Variants in MARK1 observed in about 807,000 individuals in gnomAD.
MARK1 encodes the protein serine/threonine-protein kinase MARK1.
Under a neutral mutation model 96.3 loss-of-function variants are expected in MARK1, and 40 were observed. That is an observed-to-expected ratio of 0.42 (90% CI 0.32 to 0.54). MARK1 has a LOEUF of 0.54. MARK1 is among the 20% of genes least tolerant of loss of function. The pLI is 0.16. For synonymous variants in MARK1, 317 were observed against 341.2 expected (o/e 0.93, Z 0.78); for missense variants, 719 against 984.6 (o/e 0.73, Z 3.61).
chr1:220,660,264 A>G (rs1184205658), intron 17 of MARK1, among the ~76,000 whole-genome samples: 1 of 152,194 alleles, frequency 6.6e-6, no homozygotes, highest in African/African-American at 2.4e-5. Flanking sequence ...CAGTGGGCAA[A>G]AAGAGAAAAA....
At chr1:220,660,136 C>G (rs1184378154) in intron 17 of MARK1, among the ~76,000 whole-genome samples, 2 of 152,290 alleles carry the variant, frequency 1.3e-5, no homozygotes, top group African/African-American at 4.8e-5. Flanking sequence ...GCTCAGTCAA[C>G]TGATCTCTCA....
chr1:220,619,406 G>A (rs1278477878), intron 9 of MARK1, among the ~76,000 whole-genome samples: 4 of 152,114 alleles, frequency 2.6e-5, no homozygotes, highest in Non-Finnish European at 4.4e-5. Context: ...CTTGGGAGGC[G>A]GCGCTTGCAG....
intron 6 of MARK1, among the ~76,000 whole-genome samples, chr1:220,606,195 A>G (rs978223204): frequency 1.3e-5 from 2 of 152,036 alleles, no homozygotes; most frequent in African/African-American, 4.8e-5. Flanking sequence ...TGCCTTTTTA[A>G]TGATTGCCAT....
intron 1 of MARK1, among the ~76,000 whole-genome samples, chr1:220,538,429 T>C (rs1443758776): frequency 6.6e-6 from 1 of 151,716 alleles, no homozygotes; most frequent in African/African-American, 2.4e-5. Context: ...TCTGTTGCAT[T>C]GATCTATATC....
rs1179422870 is a variant in MARK1, at chr1:220,662,171, G to A, written c.*5G>A. 1 of 1,599,444 alleles carries A rather than the reference G, an allele frequency of 6.3e-7. No homozygotes were observed. ...GCAAATGAGCTTAAGCTGTAAAGAA[G>A]TCCAAATTTACAGGTTCAGGGAAGA... On this transcript the variant is annotated 3_prime_UTR_variant, in exon 18 of 18. Transcript: ENST00000366917.
At chr1:220,639,424 C>G (rs565500562) in intron 13 of MARK1, among the ~76,000 whole-genome samples, 2 of 152,034 alleles carry the variant, frequency 1.3e-5, no homozygotes, top group Non-Finnish European at 2.9e-5. Flanking sequence ...ACATCAAGAT[C>G]TTTTTAATAG....
Position 220,588,091 on chromosome 1 carries a change from G to A in MARK1, c.309+6973G>A, listed in dbSNP as rs924515227. 5.3e-5 allele frequency among the ~76,000 whole-genome samples: 8 copies of A among 152,302 alleles called. No homozygotes were observed. The East Asian group carries it at 1.5e-3, about 29-fold the overall frequency. ...TAAAATTTTTGCCAACCTTATGGGTGTGAAGTTGTATCTAGTTTTAGTTTT... is the reference window on the plus strand; with the variant it reads ...TAAAATTTTTGCCAACCTTATGGGTATGAAGTTGTATCTAGTTTTAGTTTT... On this transcript the variant is annotated intron_variant, in intron 3 of 17. Transcript: ENST00000366917.
At chr1:220,552,845 G>T (rs1156618994) in intron 1 of MARK1, among the ~76,000 whole-genome samples, 1 of 152,056 alleles carries the variant, frequency 6.6e-6, no homozygotes, top group Non-Finnish European at 1.5e-5. Flanking sequence ...TTACCCACCT[G>T]CCCACTCCAC....
chr1:220,625,142 CAGT>C (rs1372694273), intron 9 of MARK1, among the ~76,000 whole-genome samples: 1 of 152,166 alleles, frequency 6.6e-6, no homozygotes, highest in Non-Finnish European at 1.5e-5. Context: ...GTGAGAGAAA[CAGT>C]ATATAAGGCA....
At chr1:220,587,405 G>A (rs1558279678) in intron 3 of MARK1, among the ~76,000 whole-genome samples, 1 of 146,488 alleles carries the variant, frequency 6.8e-6, no homozygotes, top group Non-Finnish European at 1.5e-5. Context: ...TTTCACTCTT[G>A]TTGCCCAGAC....
intron 6 of MARK1, among the ~76,000 whole-genome samples, chr1:220,606,752 T>C (rs1326450959): frequency 2.0e-5 from 3 of 152,194 alleles, no homozygotes; most frequent in African/African-American, 7.2e-5. Flanking sequence ...CTAGCCAGTT[T>C]TCCCAGCACC....
At chr1:220,579,826 T>G (rs1664113064) in intron 2 of MARK1, among the ~76,000 whole-genome samples, 1 of 152,248 alleles carries the variant, frequency 6.6e-6, no homozygotes, top group African/African-American at 2.4e-5. Flanking sequence ...TTTCGTTATA[T>G]GATTTCTGTG....
At chr1:220,577,349 G>C (rs145292730) in intron 1 of MARK1, among the ~76,000 whole-genome samples, 171 of 152,300 alleles carry the variant, frequency 1.1e-3, no homozygotes, top group African/African-American at 4.0e-3. Context: ...AGAAGTACTA[G>C]TTGTAGGAAA....
chr1:220,603,626 C>T (rs1411691090), intron 5 of MARK1, among the ~76,000 whole-genome samples: 1 of 151,954 alleles, frequency 6.6e-6, no homozygotes, highest in Non-Finnish European at 1.5e-5. Flanking sequence ...GAATTTTATC[C>T]AGACTACATG....
At chr1:220,539,586 G>A (rs1660986713) in intron 1 of MARK1, among the ~76,000 whole-genome samples, 1 of 152,012 alleles carries the variant, frequency 6.6e-6, no homozygotes, top group African/African-American at 2.4e-5. Context: ...TCATGAAAGG[G>A]TACTGAATTG....
At chr1:220,583,301 A>T (rs920186611) in intron 3 of MARK1, among the ~76,000 whole-genome samples, 2 of 152,194 alleles carry the variant, frequency 1.3e-5, no homozygotes, top group Non-Finnish European at 2.9e-5. Context: ...TCTTCTGTGT[A>T]TCAGATATTT....
chr1:220,656,167 G>T (rs1669163592), intron 16 of MARK1, among the ~76,000 whole-genome samples: 1 of 152,188 alleles, frequency 6.6e-6, no homozygotes, highest in South Asian at 2.1e-4. Flanking sequence ...TGCATATGCT[G>T]TTAGAGCCAG....
At chr1:220,562,545 C>A (rs1490053173) in intron 1 of MARK1, among the ~76,000 whole-genome samples, 1 of 152,070 alleles carries the variant, frequency 6.6e-6, no homozygotes, top group African/African-American at 2.4e-5. Context: ...TGAAGGTCCC[C>A]AAAGAACTGT....
At chr1:220,601,768 T>C (rs1665763927) in intron 5 of MARK1, among the ~76,000 whole-genome samples, 1 of 152,108 alleles carries the variant, frequency 6.6e-6, no homozygotes, top group Non-Finnish European at 1.5e-5. Context: ...CAACTCTCTA[T>C]TGGTGCTAAT....
Sources: allele counts gnomAD v4.1 joint callset (sites outside exome capture counted in the v4.1 genomes callset), GRCh38; gene constraint gnomAD v4.1.1; transcripts MANE v1.5; gene names NCBI Gene and HGNC (gene_info 2026-07-23, HGNC 2026-07-21).